The following FSTL5 variants were observed in gnomAD, a reference collection of about 807,000 sequenced individuals.
FSTL5 encodes the protein follistatin like 5.
Under a neutral mutation model 89.1 loss-of-function variants are expected in FSTL5, and 62 were observed. The ratio of observed to expected loss-of-function variants is 0.70; its 90% confidence interval spans 0.57 to 0.86. The LOEUF is 0.86. Ranked by LOEUF, FSTL5 falls within the 40% of genes least tolerant of loss-of-function variation. FSTL5 has a pLI of 0.00. For synonymous variants in FSTL5, 383 were observed against 346.2 expected (o/e 1.11, Z -1.18); for missense variants, 1,057 against 1,001.6 (o/e 1.06, Z -0.75).
At chr4:161,766,664 A>G (rs893489509) in intron 5 of FSTL5, among the ~76,000 whole-genome samples, 59 of 152,302 alleles carry the variant, frequency 3.9e-4, no homozygotes, top group African/African-American at 1.4e-3. Flanking sequence ...CTGACTTTAG[A>G]AAAATCTGGC....
At chr4:161,974,383 G>C (rs2111024043) in intron 3 of FSTL5, among the ~76,000 whole-genome samples, 1 of 148,942 alleles carries the variant, frequency 6.7e-6, no homozygotes, top group East Asian at 2.0e-4. Flanking sequence ...AAAACAGCAT[G>C]GTACTGGTAC....
rs1414757446 is a variant in FSTL5 at position 161,850,782 on chromosome 4, T to C, written c.409+69622A>G. 4.2e-4 allele frequency among the ~76,000 whole-genome samples: 64 copies of C among 152,162 alleles called. 1 individual carries two copies. The highest frequency in any genetic ancestry group is 4.4e-5 in the Non-Finnish European group (3 of 68,034). On this transcript the variant is annotated intron_variant, in intron 4 of 15. Transcript: ENST00000306100. ...TGGAATCAACCCAAATGCCCATCAA[T>C]GATAGACTAGATAAAGAAAATGTGG...
At chr4:161,814,329 C>T (rs978457351) in intron 4 of FSTL5, among the ~76,000 whole-genome samples, 2 of 152,084 alleles carry the variant, frequency 1.3e-5, no homozygotes, top group Admixed American at 6.5e-5. Flanking sequence ...TAAATTACAG[C>T]CAAGATTATT....
chr4:161,917,041 C>T lies in FSTL5; in HGVS notation c.409+3363G>A, dbSNP rs543543916. On this transcript the variant is annotated intron_variant, in intron 4 of 15. Coordinates refer to ENST00000306100, the MANE Select transcript of FSTL5 (RefSeq NM_020116.5). ...CCGTTCACTGCAACTGCAACCTCTG[C>T]CTCCTAGGTTCAACCAGTTATCTGC... 9.5e-4 allele frequency among the ~76,000 whole-genome samples: 145 copies of T among 152,254 alleles called. 4 individuals are homozygous for T. In the South Asian group the frequency reaches 0.029, roughly 31 times the overall value.
At chr4:161,403,247 T>C (rs1731243150) in intron 15 of FSTL5, among the ~76,000 whole-genome samples, 1 of 152,220 alleles carries the variant, frequency 6.6e-6, no homozygotes, top group Admixed American at 6.5e-5. Context: ...TTTCCTGATT[T>C]ACAAACTTCT....
At chr4:161,776,130 T>A (rs1741404878) in intron 4 of FSTL5, 56 bp from the exon 5 acceptor site, 9 of 901,378 alleles carry the variant, frequency 1.0e-5, no homozygotes, top group Non-Finnish European at 1.1e-5. Flanking sequence ...AAATAGTTTA[T>A]TTAATTAAGG....
chr4:161,521,866 A>AAAAAAAAAG (rs1731046425), intron 10 of FSTL5, among the ~76,000 whole-genome samples: 211 of 116,316 alleles, frequency 1.8e-3, no homozygotes, highest in Middle Eastern at 5.2e-3. Flanking sequence ...AAAAAAAAAG[A>AAAAAAAAAG]AAAAAAAAGA....
intron 3 of FSTL5, among the ~76,000 whole-genome samples, chr4:161,945,242 G>C (rs990145669): frequency 2.0e-5 from 3 of 152,056 alleles, no homozygotes; most frequent in African/African-American, 4.8e-5. Flanking sequence ...TCATTTTTTT[G>C]TGTGTGAATT....
At chr4:161,593,938 C>T (rs981325762) in intron 7 of FSTL5, among the ~76,000 whole-genome samples, 3 of 151,934 alleles carry the variant, frequency 2.0e-5, no homozygotes, top group Admixed American at 6.6e-5. Context: ...AACTGAAATG[C>T]TAAATAAAAA....
At chr4:161,422,519 T>G (rs1275994084) in intron 15 of FSTL5, among the ~76,000 whole-genome samples, 1 of 152,212 alleles carries the variant, frequency 6.6e-6, no homozygotes, top group African/African-American at 2.4e-5. Flanking sequence ...AGTTTTGGAA[T>G]GATCATAGAG....
chr4:161,706,857 C>G (rs576711947), intron 6 of FSTL5, among the ~76,000 whole-genome samples: 33 of 152,046 alleles, frequency 2.2e-4, no homozygotes, highest in African/African-American at 5.8e-4. Context: ...CTAAATTATG[C>G]TCTCAAAAGT....
At chr4:161,732,650 C>T (rs1739655724) in intron 6 of FSTL5, among the ~76,000 whole-genome samples, 2 of 151,834 alleles carry the variant, frequency 1.3e-5, no homozygotes, top group South Asian at 4.1e-4. Context: ...TTTATAATTT[C>T]CTTCGACTTA....
rs368289716 is a variant in FSTL5, at chr4:161,619,902, C to T, written c.895-32327G>A. On this transcript the variant is annotated intron_variant, in intron 7 of 15. Transcript: ENST00000306100. Reference sequence around the variant, plus strand: ...GACACATGCACACGTATGTTTATTGCGGCACTATTCACAATAGCAAAGACT... The same window carrying T: ...GACACATGCACACGTATGTTTATTGTGGCACTATTCACAATAGCAAAGACT... Among the ~76,000 whole-genome samples the T allele has an allele frequency of 6.4e-3, 978 of 151,912 alleles. 17 individuals carry two copies. The highest frequency in any genetic ancestry group is 0.048 in the South Asian group (229 of 4,810).
chr4:161,911,003 A>G (rs534449388), intron 4 of FSTL5, among the ~76,000 whole-genome samples: 53 of 152,240 alleles, frequency 3.5e-4, no homozygotes, highest in Middle Eastern at 3.4e-3. Context: ...TTACTTACAG[A>G]TGTATTTCCA....
At chr4:162,152,464 AG>A (rs1174031306) in intron 1 of FSTL5, among the ~76,000 whole-genome samples, 1 of 152,168 alleles carries the variant, frequency 6.6e-6, no homozygotes, top group Admixed American at 6.6e-5. Context: ...TATTTTCTAA[AG>A]GTATAGATGT....
chr4:161,677,135 T>G (rs1737333546), intron 6 of FSTL5, among the ~76,000 whole-genome samples: 1 of 152,076 alleles, frequency 6.6e-6, no homozygotes, highest in Non-Finnish European at 1.5e-5. Context: ...TAACTGACAC[T>G]GCATTTTGAT....
chr4:161,701,384 A>G (rs1340589005), intron 6 of FSTL5, among the ~76,000 whole-genome samples: 1 of 152,176 alleles, frequency 6.6e-6, no homozygotes, highest in African/African-American at 2.4e-5. Flanking sequence ...TGCATTCTCT[A>G]AAATGTTATT....
intron 3 of FSTL5, among the ~76,000 whole-genome samples, chr4:161,927,545 TA>T (rs1560921193): frequency 6.6e-6 from 1 of 151,604 alleles, no homozygotes; most frequent in Non-Finnish European, 1.5e-5. Context: ...GTTATAATTA[TA>T]AAAATAAACG....
intron 4 of FSTL5, among the ~76,000 whole-genome samples, chr4:161,815,088 A>G (rs542032414): frequency 1.3e-5 from 2 of 152,104 alleles, no homozygotes; most frequent in Non-Finnish European, 2.9e-5. Flanking sequence ...TTTAGACTGT[A>G]TCTAATAGCT....
Sources: gnomAD v4.1 joint callset for allele counts (sites outside exome capture counted in the v4.1 genomes callset) on GRCh38, gnomAD v4.1.1 for gene constraint, MANE v1.5 for transcripts, NCBI Gene and HGNC (gene_info 2026-07-23, HGNC 2026-07-21) for gene names.